KLRF1: variants seen among roughly 807,000 people sequenced by gnomAD.
The protein encoded by KLRF1 is killer cell lectin like receptor F1.
In KLRF1, 27 loss-of-function variants were observed where a neutral mutation model predicts 30.7. That is an observed-to-expected ratio of 0.88 (90% CI 0.65 to 1.21). The LOEUF is 1.21. Ranked by LOEUF, KLRF1 falls within the 50% of genes most tolerant of loss-of-function variation. KLRF1 has a pLI of 0.00. For synonymous variants in KLRF1, 92 were observed against 89.3 expected (o/e 1.03, Z -0.17); for missense variants, 246 against 259.3 (o/e 0.95, Z 0.35).
chr12:9,823,507 A>G (rs1307952384), upstream of KLRF1, among the ~76,000 whole-genome samples: 1 of 152,196 alleles, frequency 6.6e-6, no homozygotes, highest in African/African-American at 2.4e-5. Context: ...AGAAAAACTT[A>G]TAGCGCTAAA....
the KLRF1 span, among the ~76,000 whole-genome samples, chr12:9,804,991 T>C: frequency 6.6e-6 from 1 of 152,018 alleles, no homozygotes. Flanking sequence ...TGTAATACTT[T>C]TTGTGTATTG....
the KLRF1 span, among the ~76,000 whole-genome samples, chr12:9,803,773 G>T: frequency 6.6e-6 from 1 of 151,898 alleles, no homozygotes; most frequent in Non-Finnish European, 1.5e-5. Flanking sequence ...CTACATCTGG[G>T]CTGTCCATTC....
chr12:9,823,678 C>G (rs989781330), upstream of KLRF1, among the ~76,000 whole-genome samples: 1 of 150,582 alleles, frequency 6.6e-6, no homozygotes, highest in African/African-American at 2.4e-5. Flanking sequence ...AAAGAAACAT[C>G]AAAAAGATCA....
the KLRF1 span, among the ~76,000 whole-genome samples, chr12:9,803,315 A>G: frequency 3.3e-5 from 5 of 152,086 alleles, no homozygotes; most frequent in Non-Finnish European, 5.9e-5. Flanking sequence ...TTAACTCAAG[A>G]TGGATTAGAG....
chr12:9,829,282 C>T (rs1283264932), intron 1 of KLRF1, among the ~76,000 whole-genome samples: 1 of 152,036 alleles, frequency 6.6e-6, no homozygotes, highest in African/African-American at 2.4e-5. Context: ...AGATATATTC[C>T]ATTGAGCATG....
chr12:9,824,776 A>G (rs1353509697), upstream of KLRF1, among the ~76,000 whole-genome samples: 1 of 152,222 alleles, frequency 6.6e-6, no homozygotes, highest in Non-Finnish European at 1.5e-5. Flanking sequence ...GTTTCAGGAT[A>G]CAAAATCAAC....
At chr12:9,813,123 C>CTTTTTATT in the KLRF1 span, among the ~76,000 whole-genome samples, 1 of 149,036 alleles carries the variant, frequency 6.7e-6, no homozygotes, top group Non-Finnish European at 1.5e-5. Context: ...TCTTTTATGT[C>CTTTTTATT]TTTTTATTTT....
chr12:9,815,403 T>C, the KLRF1 span, among the ~76,000 whole-genome samples: 2 of 152,252 alleles, frequency 1.3e-5, no homozygotes, highest in Admixed American at 6.5e-5. Flanking sequence ...AAGAGGACTC[T>C]GGGATAGGAG....
chr12:9,836,892 C>A (rs984604382), intron 3 of KLRF1, among the ~76,000 whole-genome samples: 1 of 152,002 alleles, frequency 6.6e-6, no homozygotes, highest in South Asian at 2.1e-4. Context: ...ATGTACATGG[C>A]AGTAAACATT....
the KLRF1 span, among the ~76,000 whole-genome samples, chr12:9,816,565 T>C: frequency 6.6e-6 from 1 of 151,634 alleles, no homozygotes; most frequent in African/African-American, 2.4e-5. Flanking sequence ...TTTTTTGAGA[T>C]GCAGAAAACA....
rs75457701 is a variant in KLRF1 at position 9,833,505 on chromosome 12, A to G, written c.334+53A>G. ...AGTTTTAATCTTTTGGACTCTCTAAATGTGAAGTATTTTTGAACAGGTATG... is the reference window on the plus strand; with the variant it reads ...AGTTTTAATCTTTTGGACTCTCTAAGTGTGAAGTATTTTTGAACAGGTATG... On this transcript the variant is annotated intron_variant, in intron 3 of 5. Coordinates refer to ENST00000617889, the MANE Select transcript of KLRF1 (RefSeq NM_016523.3). 1,861 of 1,454,048 alleles carry G rather than the reference A, an allele frequency of 1.3e-3. 25 individuals are homozygous for G. The African/African-American group carries it at 0.024, about 19-fold the overall frequency. 90.1% of individuals were successfully genotyped at this position (1,454,048 alleles called of 1,614,324 possible).
the KLRF1 span, among the ~76,000 whole-genome samples, chr12:9,809,261 T>C: frequency 1.3e-5 from 2 of 152,132 alleles, no homozygotes; most frequent in East Asian, 3.8e-4. Flanking sequence ...TGTGAAGTAA[T>C]GAATTTTAGG....
chr12:9,814,868 GA>G, the KLRF1 span, among the ~76,000 whole-genome samples: 1 of 152,150 alleles, frequency 6.6e-6, no homozygotes, highest in African/African-American at 2.4e-5. Flanking sequence ...GTGTGTGTGG[GA>G]GGGGGGAGGT....
intron 1 of KLRF1, among the ~76,000 whole-genome samples, chr12:9,829,104 C>A (rs1403249864): frequency 6.6e-6 from 1 of 152,114 alleles, no homozygotes; most frequent in Admixed American, 6.5e-5. Flanking sequence ...ATTTGTAAAT[C>A]TTTTCTCATA....
chr12:9,807,031 A>C, the KLRF1 span, among the ~76,000 whole-genome samples: 2 of 151,666 alleles, frequency 1.3e-5, no homozygotes, highest in African/African-American at 4.8e-5. Flanking sequence ...TTAATGTAAT[A>C]CCTCCTAGTT....
At chr12:9,801,182 C>G in the KLRF1 span, among the ~76,000 whole-genome samples, 1 of 151,952 alleles carries the variant, frequency 6.6e-6, no homozygotes, top group Non-Finnish European at 1.5e-5. Flanking sequence ...TGATCTCATT[C>G]TTTTTTATGG....
In KLRF1 at chr12:9,844,574, C is replaced by A. The variant is rs753425293; in HGVS notation, c.*48C>A. ...AATAATCAATGATCACTATTTTTGG[C>A]CTATTAGTTTCTAATATTAATCTCC... On this transcript the variant is annotated 3_prime_UTR_variant, in exon 6 of 6. Coordinates refer to ENST00000617889, the MANE Select transcript of KLRF1 (RefSeq NM_016523.3). 1.1e-5 allele frequency: 12 copies of A among 1,054,436 alleles called. No homozygotes were observed. The highest frequency in any genetic ancestry group is 2.9e-4 in the Middle Eastern group (1 of 3,440). 65.3% of individuals were successfully genotyped at this position (1,054,436 alleles called of 1,614,324 possible).
intron 3 of KLRF1, among the ~76,000 whole-genome samples, chr12:9,839,821 CAT>C (rs1867663757): frequency 6.6e-6 from 1 of 152,038 alleles, no homozygotes; most frequent in African/African-American, 2.4e-5. Context: ...CAAATTATCA[CAT>C]GACCCAACAT....
At chr12:9,832,200 C>T in intron 1 of KLRF1, 116 bp from the exon 2 acceptor site, 2 of 558,884 alleles carry the variant, frequency 3.6e-6, no homozygotes, top group Non-Finnish European at 3.2e-6. Context: ...TTTTGATTGC[C>T]TAATATCTTT....
Sources: allele counts gnomAD v4.1 joint callset (sites outside exome capture counted in the v4.1 genomes callset), GRCh38; gene constraint gnomAD v4.1.1; transcripts MANE v1.5; gene names NCBI Gene and HGNC (gene_info 2026-07-23, HGNC 2026-07-21).